ERGIC1: variants seen among roughly 807,000 people sequenced by gnomAD.
ERGIC1 encodes the protein endoplasmic reticulum-golgi intermediate compartment 1, also known as endoplasmic reticulum-Golgi intermediate compartment protein 1.
A neutral mutation model predicts 38.3 loss-of-function variants in ERGIC1; 19 were observed. That is an observed-to-expected ratio of 0.50 (90% CI 0.35 to 0.73). The LOEUF is 0.73. Ranked by LOEUF, ERGIC1 falls within the 30% of genes least tolerant of loss-of-function variation. ERGIC1 has a pLI of 0.01. For missense variants in ERGIC1, 294 were observed against 389.2 expected, an observed-to-expected ratio of 0.76 and a Z score of 2.06; for synonymous variants, 124 against 157.6, an observed-to-expected ratio of 0.79 and a Z score of 1.60.
chr5:172,924,014 A>G lies in ERGIC1; in HGVS notation c.385A>G (p.Asn129Asp). 6.2e-7 allele frequency: 1 copy of G among 1,614,180 alleles called. No homozygotes were observed. Among genetic ancestry groups the G allele is most frequent in the Non-Finnish European group, 8.5e-7 (1 of 1,180,030 alleles). Residue 129 changes from asparagine (N) to aspartate (D), a missense_variant, in exon 6 of 10, where the codon AAC becomes GAC. Physicochemically the swap from Asn to Asp is conservative, Grantham distance 23. This residue lies in a region of ERGIC1 where 163 missense variants were observed against 225.8 expected (regional missense o/e 0.72). Coordinates refer to ENST00000393784, the MANE Select transcript of ERGIC1 (RefSeq NM_001031711.3). ...CACATTTCTCCCCCAGGTCCCCGGC[A>G]ACTTCCACGTGTCCACACACAGTGC... ...GQFSINKVPGNFHVSTHSATA... is the reference protein window; with the variant it reads ...GQFSINKVPGDFHVSTHSATA...
intron 9 of ERGIC1, among the ~76,000 whole-genome samples, chr5:172,946,108 G>C (rs1009805019): frequency 6.6e-6 from 1 of 152,204 alleles, no homozygotes; most frequent in South Asian, 2.1e-4. Flanking sequence ...TGGCAGGAAA[G>C]CCGGGTGGAC....
intron 1 of ERGIC1, among the ~76,000 whole-genome samples, chr5:172,875,553 G>A (rs766736817): frequency 4.6e-5 from 7 of 152,112 alleles, no homozygotes; most frequent in Non-Finnish European, 1.0e-4. Context: ...GAAAGTAAGT[G>A]GTTAGGGTTA....
intron 1 of ERGIC1, among the ~76,000 whole-genome samples, chr5:172,883,876 G>A (rs570116371): frequency 2.0e-4 from 30 of 152,206 alleles, no homozygotes; most frequent in Admixed American, 1.3e-3. Context: ...CCAGCTACTC[G>A]GGAGGCTGAG....
chr5:172,912,750 T>C (rs1434605005), intron 4 of ERGIC1, among the ~76,000 whole-genome samples: 1 of 151,336 alleles, frequency 6.6e-6, no homozygotes, highest in Non-Finnish European at 1.5e-5. Context: ...AAGTGCTATT[T>C]TACTTTTCTT....
In ERGIC1 at chr5:172,893,935, G is replaced by GTGTGTGTGTGTGTGTA. The variant is rs1429850022; in HGVS notation, c.83-3066_83-3065insGTGTGTGTGTGTGTAT. Among the ~76,000 whole-genome samples the GTGTGTGTGTGTGTGTA allele has an allele frequency of 6.9e-3, 294 of 42,720 alleles. 5 individuals are homozygous for GTGTGTGTGTGTGTGTA. The highest frequency in any genetic ancestry group is 9.6e-3 in the Non-Finnish European group (208 of 21,694). 28.0% of individuals were successfully genotyped at this position (42,720 alleles called of 152,430 possible). ...TGTGTGTGTGTGTGTGTGTGTGTGTGTATATATATATATATATATTTAAAT... is the reference window on the plus strand; with the variant it reads ...TGTGTGTGTGTGTGTGTGTGTGTGTGTGTGTGTGTGTGTGTATATATATATATATATATATTTAAAT... On this transcript the variant is annotated intron_variant, in intron 2 of 9. Coordinates refer to ENST00000393784, the MANE Select transcript of ERGIC1 (RefSeq NM_001031711.3).
At chr5:172,838,186 T>C (rs531471806) in intron 1 of ERGIC1, among the ~76,000 whole-genome samples, 38 of 152,322 alleles carry the variant, frequency 2.5e-4, no homozygotes, top group African/African-American at 8.9e-4. Context: ...GTGTGATCAA[T>C]GCACACTTGC....
At chr5:172,942,964 A>G (rs1344258689) in intron 9 of ERGIC1, among the ~76,000 whole-genome samples, 1 of 152,228 alleles carries the variant, frequency 6.6e-6, no homozygotes, top group Non-Finnish European at 1.5e-5. Flanking sequence ...GAGAGGGGCT[A>G]GGAAGAGTCT....
chr5:172,881,247 C>CAA (rs1351006274), intron 1 of ERGIC1, among the ~76,000 whole-genome samples: 1 of 148,744 alleles, frequency 6.7e-6, no homozygotes, highest in African/African-American at 2.5e-5. Context: ...AACTCCATCT[C>CAA]AAAAAAAGAA....
At chr5:172,873,634 G>A (rs187414352) in intron 1 of ERGIC1, among the ~76,000 whole-genome samples, 1 of 152,370 alleles carries the variant, frequency 6.6e-6, no homozygotes, top group African/African-American at 2.4e-5. Context: ...AGGCCAGGGA[G>A]GATCAGTGTT....
chr5:172,893,916 T>TATATATACACAC (rs1420718318), intron 2 of ERGIC1, among the ~76,000 whole-genome samples: 4 of 81,782 alleles, frequency 4.9e-5, no homozygotes, highest in African/African-American at 1.7e-4. Flanking sequence ...TGTGTGTGTG[T>TATATATACACAC]GTGTGTGTGT....
At position 172,838,866 on chromosome 5, in the gene ERGIC1, A is replaced by C. The variant is rs563621992; in HGVS notation, c.20+4433A>C. Among the ~76,000 whole-genome samples the C allele has an allele frequency of 3.5e-4, 53 of 152,312 alleles. No homozygotes were observed. The South Asian group carries it at 0.01, about 29-fold the overall frequency. ...CATTCAGCAGAGAGTAGCTAACATGAATGCCTGTATTTCTACCCTGCTGTT... is the reference window on the plus strand; with the variant it reads ...CATTCAGCAGAGAGTAGCTAACATGCATGCCTGTATTTCTACCCTGCTGTT... On this transcript the variant is annotated intron_variant, in intron 1 of 9. Transcript: ENST00000393784.
Position 172,853,403 on chromosome 5 carries a change from A to T in ERGIC1, c.20+18970A>T, listed in dbSNP as rs576977953. Among the ~76,000 whole-genome samples, 5 of 152,336 alleles carry T rather than the reference A, an allele frequency of 3.3e-5. No individual in the cohort carries two copies. In the East Asian group the frequency reaches 9.6e-4, roughly 29 times the overall value. ...GGAGCTGGTCAGGCCACCCAGAGGC[A>T]TCTTCCTCAGTGGAGCCTTCTGCCA... On this transcript the variant is annotated intron_variant, in intron 1 of 9. Transcript: ENST00000393784.
intron 1 of ERGIC1, among the ~76,000 whole-genome samples, chr5:172,874,944 A>G (rs1394204050): frequency 2.6e-5 from 4 of 151,908 alleles, no homozygotes; most frequent in Admixed American, 2.6e-4. Context: ...AAAAAAATTA[A>G]AAGAAGAGGG....
At chr5:172,899,084 T>C (rs1762805774) in intron 3 of ERGIC1, among the ~76,000 whole-genome samples, 3 of 152,070 alleles carry the variant, frequency 2.0e-5, no homozygotes. Context: ...GAGGCACACA[T>C]GTGTCATCTG....
Position 172,838,002 on chromosome 5 carries a change from C to T in ERGIC1, c.20+3569C>T, listed in dbSNP as rs190524497. Among the ~76,000 whole-genome samples the T allele has an allele frequency of 5.2e-3, 792 of 152,286 alleles. 1 individual carries two copies. Among genetic ancestry groups the T allele is most frequent in the Non-Finnish European group, 9.0e-3 (609 of 68,016 alleles). ...CCGGGAGGTGCAGGTGGCTGCTGTC[C>T]CACAGTGACAGCCCCCATGTTGAAA... On this transcript the variant is annotated intron_variant, in intron 1 of 9. Coordinates refer to ENST00000393784, the MANE Select transcript of ERGIC1 (RefSeq NM_001031711.3).
chr5:172,931,903 G>A (rs1428008333), intron 7 of ERGIC1, among the ~76,000 whole-genome samples: 5 of 136,732 alleles, frequency 3.7e-5, no homozygotes, highest in Non-Finnish European at 6.1e-5. Flanking sequence ...CTATCGCCCA[G>A]GCTGGAGTGC....
In ERGIC1 at chr5:172,864,242, C is replaced by T. The variant is rs1761792958; in HGVS notation, c.21-24457C>T. ...CCTCAACGGTTCTTCTCTTACTACA[C>T]ACAATGACAATAAATATTTTGTAGT... On this transcript the variant is annotated intron_variant, in intron 1 of 9. Transcript: ENST00000393784. Among the ~76,000 whole-genome samples, 2 of 149,028 alleles carry T rather than the reference C, an allele frequency of 1.3e-5. 1 individual carries two copies. The highest frequency in any genetic ancestry group is 4.3e-4 in the South Asian group (2 of 4,682).
chr5:172,901,745 G>A (rs1192829999), intron 3 of ERGIC1, among the ~76,000 whole-genome samples: 1 of 152,074 alleles, frequency 6.6e-6, no homozygotes, highest in Non-Finnish European at 1.5e-5. Flanking sequence ...CTACAGGCAT[G>A]AGCCACCATG....
intron 1 of ERGIC1, among the ~76,000 whole-genome samples, chr5:172,844,026 T>C (rs1220300022): frequency 6.6e-6 from 1 of 152,116 alleles, no homozygotes; most frequent in Non-Finnish European, 1.5e-5. Context: ...TAGATGGCAG[T>C]AGTGGGTCTT....
Sources: gnomAD v4.1 joint callset for allele counts (sites outside exome capture counted in the v4.1 genomes callset) on GRCh38, gnomAD v4.1.1 for gene constraint, gnomAD v4.1.1 regional missense constraint, MANE v1.5 for transcripts, NCBI Gene and HGNC (gene_info 2026-07-23, HGNC 2026-07-21) for gene names.